The following NDST4 variants were observed in gnomAD, a reference collection of about 807,000 sequenced individuals.
NDST4 encodes N-deacetylase and N-sulfotransferase 4.
Under a neutral mutation model 100.8 loss-of-function variants are expected in NDST4, and 63 were observed. The ratio of observed to expected loss-of-function variants is 0.62; its 90% CI spans 0.51 to 0.77. The LOEUF is 0.77. Among genes scored for constraint, NDST4 ranks in the 30% least tolerant of loss-of-function variants. NDST4 has a pLI of 0.00. For synonymous variants in NDST4, 377 were observed against 361.8 expected, an observed-to-expected ratio of 1.04 and a Z score of -0.48; for missense variants, 943 against 1,018.4, an observed-to-expected ratio of 0.93 and a Z score of 1.01.
chr4:115,054,720 A>T (rs748430784), intron 2 of NDST4, among the ~76,000 whole-genome samples: 17 of 152,182 alleles, frequency 1.1e-4, no homozygotes, highest in Non-Finnish European at 1.9e-4. Context: ...GTGATGCACT[A>T]TGAGTTTATT....
chr4:114,840,963 T>G (rs574980370), intron 10 of NDST4, among the ~76,000 whole-genome samples: 11 of 152,334 alleles, frequency 7.2e-5, no homozygotes, highest in African/African-American at 2.4e-4. Context: ...GTATACCTTA[T>G]GCTGAGTATA....
chr4:115,005,382 A>G (rs1727389996), intron 2 of NDST4, among the ~76,000 whole-genome samples: 1 of 152,136 alleles, frequency 6.6e-6, no homozygotes, highest in South Asian at 2.1e-4. Flanking sequence ...TTTCTAAGCT[A>G]TTGGGATCTT....
intron 4 of NDST4, among the ~76,000 whole-genome samples, chr4:114,953,722 C>T (rs1013802080): frequency 3.3e-5 from 5 of 152,060 alleles, no homozygotes; most frequent in African/African-American, 4.8e-5. Flanking sequence ...AACTCAAATG[C>T]TGAACTTTTC....
At chr4:114,970,878 C>A (rs1396590339) in intron 3 of NDST4, among the ~76,000 whole-genome samples, 1 of 151,780 alleles carries the variant, frequency 6.6e-6, no homozygotes, top group African/African-American at 2.4e-5. Flanking sequence ...TATTTTATAC[C>A]CTAACATATA....
At chr4:114,993,494 G>A (rs2126252691) in intron 2 of NDST4, among the ~76,000 whole-genome samples, 1 of 152,036 alleles carries the variant, frequency 6.6e-6, no homozygotes, top group African/African-American at 2.4e-5. Flanking sequence ...ATTAATTGCA[G>A]TTTGGTATCA....
chr4:114,906,712 TATC>T (rs1453432120), intron 6 of NDST4, among the ~76,000 whole-genome samples: 2 of 152,038 alleles, frequency 1.3e-5, no homozygotes, highest in Non-Finnish European at 2.9e-5. Flanking sequence ...TCTACATAAA[TATC>T]ATTATAAATA....
At chr4:115,014,931 T>C (rs78146049) in intron 2 of NDST4, among the ~76,000 whole-genome samples, 2,390 of 152,176 alleles carry the variant, frequency 0.016, 63 homozygotes, top group African/African-American at 0.052. Flanking sequence ...GCTACTAAAT[T>C]CTTACTTGGT....
chr4:115,068,641 C>CA (rs368916587), intron 2 of NDST4, among the ~76,000 whole-genome samples: 46,903 of 137,858 alleles, frequency 0.34, 8,869 homozygotes, highest in Non-Finnish European at 0.44. Context: ...ACCCCATCTC[C>CA]AAAAAAAAAA....
chr4:114,891,521 C>T (rs1269861163), intron 6 of NDST4, among the ~76,000 whole-genome samples: 1 of 152,042 alleles, frequency 6.6e-6, no homozygotes, highest in Non-Finnish European at 1.5e-5. Flanking sequence ...TGTCAGTTAC[C>T]AGTCCTTTTG....
At chr4:114,901,607 T>C (rs907075061) in intron 6 of NDST4, among the ~76,000 whole-genome samples, 1 of 152,052 alleles carries the variant, frequency 6.6e-6, no homozygotes, top group Non-Finnish European at 1.5e-5. Flanking sequence ...TTCTACTTGA[T>C]GTACTTAGAC....
intron 6 of NDST4, among the ~76,000 whole-genome samples, chr4:114,896,394 T>A (rs1272457549): frequency 6.6e-6 from 1 of 151,708 alleles, no homozygotes; most frequent in Admixed American, 6.6e-5. Context: ...GAGGCCGAGG[T>A]GGGTGGATCA....
At chr4:115,036,053 T>C (rs1728226541) in intron 2 of NDST4, among the ~76,000 whole-genome samples, 1 of 152,000 alleles carries the variant, frequency 6.6e-6, no homozygotes, top group South Asian at 2.1e-4. Context: ...AATGAATAAT[T>C]AGACTGCTTT....
chr4:114,870,356 C>T (rs1292280105), intron 7 of NDST4, among the ~76,000 whole-genome samples: 1 of 152,092 alleles, frequency 6.6e-6, no homozygotes, highest in Non-Finnish European at 1.5e-5. Context: ...CAATGTTGCA[C>T]ATATACATAT....
chr4:115,093,050 T>C, intron 1 of NDST4, among the ~76,000 whole-genome samples: 1 of 152,218 alleles, frequency 6.6e-6, no homozygotes, highest in East Asian at 1.9e-4. Flanking sequence ...CATTAAAATT[T>C]AAATGTGTAT....
rs150399977 is a variant in NDST4 at position 114,864,063 on chromosome 4, G to A, written c.1719+6705C>T. 5.1e-3 allele frequency among the ~76,000 whole-genome samples: 770 copies of A among 152,082 alleles called. 10 individuals carry two copies. Among genetic ancestry groups the A allele is most frequent in the African/African-American group, 0.017 (725 of 41,502 alleles). On this transcript the variant is annotated intron_variant, in intron 7 of 13. Coordinates refer to ENST00000264363, the MANE Select transcript of NDST4 (RefSeq NM_022569.3). Reference sequence around the variant, plus strand: ...TTCTTATTATATCTAGTTATTCAAAGTCTACATTGCCTTTTTGCTACTAAA... The same window carrying A: ...TTCTTATTATATCTAGTTATTCAAAATCTACATTGCCTTTTTGCTACTAAA...
chr4:115,011,887 T>G (rs1156931984), intron 2 of NDST4, among the ~76,000 whole-genome samples: 1 of 151,954 alleles, frequency 6.6e-6, no homozygotes. Flanking sequence ...TAATTTTTCA[T>G]GTCCATAAAT....
chr4:115,004,311 T>C (rs1727364359), intron 2 of NDST4, among the ~76,000 whole-genome samples: 1 of 152,200 alleles, frequency 6.6e-6, no homozygotes, highest in Admixed American at 6.5e-5. Flanking sequence ...AAAATTTGTA[T>C]CATGATTTAC....
intron 2 of NDST4, among the ~76,000 whole-genome samples, chr4:115,045,652 G>A (rs1410402769): frequency 6.6e-6 from 1 of 152,104 alleles, no homozygotes; most frequent in African/African-American, 2.4e-5. Flanking sequence ...TTTCATTCTG[G>A]AGAGGCCACT....
intron 2 of NDST4, among the ~76,000 whole-genome samples, chr4:115,004,676 T>C (rs550529080): frequency 6.6e-6 from 1 of 152,310 alleles, no homozygotes; most frequent in Non-Finnish European, 1.5e-5. Flanking sequence ...AATTTGAACA[T>C]ATAATAGAAA....
Sources: gnomAD v4.1 joint callset for allele counts (sites outside exome capture counted in the v4.1 genomes callset) on GRCh38, gnomAD v4.1.1 for gene constraint, MANE v1.5 for transcripts, NCBI Gene and HGNC (gene_info 2026-07-23, HGNC 2026-07-21) for gene names.